Variants in THADA observed in about 807,000 individuals in gnomAD.
THADA encodes tRNA (32-2'-O)-methyltransferase regulator THADA.
In THADA, 213 loss-of-function variants were observed where a neutral mutation model predicts 219.8. The observed-to-expected ratio is 0.97, with a 90% CI of 0.87 to 1.09. THADA has a LOEUF of 1.09. Ranked by LOEUF, THADA falls within the 50% of genes least tolerant of loss-of-function variation. The probability of loss-of-function intolerance (pLI) is 0.00; values close to 1 mark genes in which losing one functional copy is unlikely to be tolerated. For synonymous variants in THADA, 1,018 were observed against 828.9 expected (o/e 1.23, Z -3.92); for missense variants, 2,956 against 2,311.3 (o/e 1.28, Z -5.72).
chr2:43,539,622 G>C (rs1253954566), intron 21 of THADA, among the ~76,000 whole-genome samples: 1 of 152,178 alleles, frequency 6.6e-6, no homozygotes, highest in Non-Finnish European at 1.5e-5. Flanking sequence ...TCAGTCATCA[G>C]TTTCTTCTCA....
In THADA at chr2:43,381,070, C is replaced by A. The variant is rs111445464; in HGVS notation, c.4227+16901G>T. On this transcript the variant is annotated intron_variant, in intron 29 of 37. Coordinates refer to ENST00000405975, the MANE Select transcript of THADA (RefSeq NM_022065.5). The stretch of plus-strand genomic sequence containing the variant: ...CCAAGATCGTGCCACTACACTCCAG[C>A]CCGGGCGAGACAGAGCGAGACTTTG... Among the ~76,000 whole-genome samples the A allele has an allele frequency of 7.2e-3, 1,023 of 142,658 alleles. 5 individuals are homozygous for A. Among genetic ancestry groups the A allele is most frequent in the African/African-American group, 0.024 (910 of 37,528 alleles). 93.6% of individuals were successfully genotyped at this position (142,658 alleles called of 152,430 possible). A position where few individuals can be genotyped will look rare whatever the true frequency, so the allele number is the denominator to read the frequency against.
chr2:43,233,531 T>A, intron 36 of THADA: 1 of 152,202 alleles, frequency 6.6e-6, no homozygotes, highest in Non-Finnish European at 1.5e-5. Context: ...TGATAGCTCA[T>A]GGGCTGTAAA....
intron 26 of THADA, among the ~76,000 whole-genome samples, chr2:43,484,044 A>T (rs1167792479): frequency 6.6e-6 from 1 of 151,992 alleles, no homozygotes; most frequent in East Asian, 1.9e-4. Context: ...TAAAAATTAT[A>T]ATCATCCCTC....
At chr2:43,520,702 G>A (rs190251311) in intron 22 of THADA, among the ~76,000 whole-genome samples, 6,707 of 136,404 alleles carry the variant, frequency 0.049, 279 homozygotes, top group African/African-American at 0.12. Flanking sequence ...ATATTTATAC[G>A]TATATATATA....
chr2:43,359,767 T>C (rs1448088556), intron 29 of THADA, among the ~76,000 whole-genome samples: 1 of 151,764 alleles, frequency 6.6e-6, no homozygotes, highest in Non-Finnish European at 1.5e-5. Context: ...ACAATCATCA[T>C]GGATAAGCTG....
chr2:43,399,194 T>C (rs2104719099), intron 28 of THADA, among the ~76,000 whole-genome samples: 1 of 152,332 alleles, frequency 6.6e-6, no homozygotes, highest in Middle Eastern at 3.4e-3. Flanking sequence ...TGATTTTTCA[T>C]CCAATTAAAA....
chr2:43,432,306 G>A (rs1386446562), intron 26 of THADA, among the ~76,000 whole-genome samples: 1 of 152,072 alleles, frequency 6.6e-6, no homozygotes, highest in Non-Finnish European at 1.5e-5. Context: ...CGTTTTTTTG[G>A]CTTGCTTTTT....
intron 26 of THADA, among the ~76,000 whole-genome samples, chr2:43,441,251 C>T (rs1431193285): frequency 3.3e-5 from 5 of 152,250 alleles, no homozygotes; most frequent in South Asian, 2.1e-4. Context: ...TCTTAGGTTC[C>T]TCAACACAGA....
At chr2:43,361,231 A>G (rs62137420) in intron 29 of THADA, among the ~76,000 whole-genome samples, 11,766 of 152,302 alleles carry the variant, frequency 0.077, 599 homozygotes, top group South Asian at 0.18. Context: ...CATAGCTGGT[A>G]GCCTTAGAAA....
chr2:43,402,044 C>G (rs531326451), intron 28 of THADA, among the ~76,000 whole-genome samples: 80 of 151,926 alleles, frequency 5.3e-4, no homozygotes, highest in Non-Finnish European at 9.7e-4. Context: ...CATATGCACA[C>G]AATTTCCCAC....
intron 36 of THADA, among the ~76,000 whole-genome samples, chr2:43,238,118 CAA>C (rs59802310): frequency 8.8e-4 from 25 of 28,270 alleles, no homozygotes; most frequent in African/African-American, 2.6e-3. Context: ...GATTCCATCT[CAA>C]AAAAAAAAAA....
At chr2:43,277,891 T>C (rs1672903689) in intron 36 of THADA, among the ~76,000 whole-genome samples, 1 of 151,926 alleles carries the variant, frequency 6.6e-6, no homozygotes. Flanking sequence ...GCTGAAGGAA[T>C]GTGAAGTTAC....
At chr2:43,381,584 T>TTC (rs1260825133) in intron 29 of THADA, among the ~76,000 whole-genome samples, 5 of 141,480 alleles carry the variant, frequency 3.5e-5, no homozygotes, top group Non-Finnish European at 6.2e-5. Context: ...GTGATAAGTC[T>TTC]TTTTTTTTTT....
chr2:43,579,931 C>G (rs1178771939), intron 8 of THADA, among the ~76,000 whole-genome samples: 1 of 151,684 alleles, frequency 6.6e-6, no homozygotes, highest in Non-Finnish European at 1.5e-5. Flanking sequence ...CAGTTACTTG[C>G]AGCTAAACAC....
In THADA at chr2:43,230,929, C is replaced by G. The variant is rs984802029; in HGVS notation, c.*19G>C. 1.9e-6 allele frequency: 3 copies of G among 1,591,178 alleles called. No individual in the cohort carries two copies. Among genetic ancestry groups the G allele is most frequent in the East Asian group, 2.3e-5 (1 of 44,436 alleles). On this transcript the variant is annotated 3_prime_UTR_variant, in exon 38 of 38. Transcript: ENST00000405975. The stretch of plus-strand genomic sequence containing the variant: ...GGAAAAATCCACACATACCCCCATC[C>G]CAATCCCCCAGATTTTCTTCAACAT...
intron 24 of THADA, among the ~76,000 whole-genome samples, chr2:43,501,703 G>A (rs1407689043): frequency 6.6e-6 from 1 of 152,190 alleles, no homozygotes; most frequent in African/African-American, 2.4e-5. Context: ...CAGCACTTTG[G>A]GAGGCCTTAG....
intron 26 of THADA, among the ~76,000 whole-genome samples, chr2:43,483,129 T>C (rs1686436498): frequency 6.6e-6 from 1 of 152,192 alleles, no homozygotes; most frequent in South Asian, 2.1e-4. Flanking sequence ...CAGGACAATC[T>C]GTGGTTGTGA....
At chr2:43,578,468 C>T (rs1338207787) in intron 9 of THADA, 45 bp downstream of exon 9, 5 of 1,493,696 alleles carry the variant, frequency 3.3e-6, no homozygotes, top group Non-Finnish European at 2.8e-6. Flanking sequence ...TTAAACATAC[C>T]CTAACTCTCA....
Position 43,591,050 on chromosome 2 carries a change from G to A in THADA, c.172-96C>T. 8 of 1,190,616 alleles carry A rather than the reference G, an allele frequency of 6.7e-6. No homozygotes were observed. The South Asian group carries it at 1.1e-4, about 16-fold the overall frequency. The allele number at this position is 1,190,616 out of a possible 1,614,324, so 73.8% of individuals were successfully genotyped here. A position where few individuals can be genotyped will look rare whatever the true frequency, so the allele number is the denominator to read the frequency against. ...TTTGAAGTCTCAATTGCTGGGTACAGTGGCTCACCCCTGTAATCCCAACAC... is the reference window on the plus strand; with the variant it reads ...TTTGAAGTCTCAATTGCTGGGTACAATGGCTCACCCCTGTAATCCCAACAC... On this transcript the variant is annotated intron_variant, in intron 3 of 37. Coordinates refer to ENST00000405975, the MANE Select transcript of THADA (RefSeq NM_022065.5).
Sources: gnomAD v4.1 joint callset for allele counts (sites outside exome capture counted in the v4.1 genomes callset) on GRCh38, gnomAD v4.1.1 for gene constraint, MANE v1.5 for transcripts, NCBI Gene and HGNC (gene_info 2026-07-23, HGNC 2026-07-21) for gene names.